RIMS1: variants seen among roughly 807,000 people sequenced by gnomAD.
RIMS1 encodes the protein regulating synaptic membrane exocytosis 1, also known as regulating synaptic membrane exocytosis protein 1.
RIMS1 carries 83 observed loss-of-function variants against 214.1 expected under a neutral mutation model. The ratio of observed to expected loss-of-function variants is 0.39; its 90% CI spans 0.32 to 0.47. The LOEUF (loss-of-function observed/expected upper bound fraction) is 0.47, where lower values mean the gene tolerates loss of function less well. Ranked by LOEUF, RIMS1 falls within the 20% of genes least tolerant of loss-of-function variation. The probability of loss-of-function intolerance (pLI) is 0.99; values close to 1 mark genes in which losing one functional copy is unlikely to be tolerated. For synonymous variants in RIMS1, 793 were observed against 786.8 expected (o/e 1.01, Z -0.13); for missense variants, 2,050 against 2,161.8 (o/e 0.95, Z 1.03).
chr6:72,078,435 T>G (rs2153762314), intron 2 of RIMS1, among the ~76,000 whole-genome samples: 3 of 152,304 alleles, frequency 2.0e-5, no homozygotes, highest in Middle Eastern at 6.8e-3. Flanking sequence ...ACTTCATGTA[T>G]TATCTTCCTT....
rs187852472 is a variant in RIMS1 at position 71,919,821 on chromosome 6, A to G, written c.164+32634A>G. ...ATGAAAGGCTGTTCAATGGTATCAG[A>G]AAATCCAAAGAGGTTAAGAACGAGA... is the stretch of plus-strand genomic sequence containing the variant. On this transcript the variant is annotated intron_variant, in intron 1 of 33. Coordinates refer to ENST00000521978, the MANE Select transcript of RIMS1 (RefSeq NM_014989.7). Among the ~76,000 whole-genome samples the G allele has an allele frequency of 1.6e-4, 25 of 152,324 alleles. No homozygotes were observed. The East Asian group carries it at 4.6e-3, about 28-fold the overall frequency.
intron 10 of RIMS1, among the ~76,000 whole-genome samples, chr6:72,244,804 G>A (rs1398122118): frequency 6.6e-6 from 1 of 151,776 alleles, no homozygotes; most frequent in Non-Finnish European, 1.5e-5. Flanking sequence ...CAACTGCAGA[G>A]AACAAACAGG....
intron 1 of RIMS1, among the ~76,000 whole-genome samples, chr6:71,947,554 G>T (rs1337605638): frequency 6.6e-6 from 1 of 152,060 alleles, no homozygotes; most frequent in Non-Finnish European, 1.5e-5. Flanking sequence ...TGAGTGAGAG[G>T]ATTGGGGAGA....
chr6:72,008,029 A>G (rs954426208), intron 2 of RIMS1, among the ~76,000 whole-genome samples: 4 of 152,164 alleles, frequency 2.6e-5, no homozygotes, highest in African/African-American at 7.2e-5. Flanking sequence ...TGTCAGATTC[A>G]CCAAAGTTGA....
At chr6:72,133,638 G>C (rs984978506) in intron 4 of RIMS1, among the ~76,000 whole-genome samples, 1 of 152,126 alleles carries the variant, frequency 6.6e-6, no homozygotes, top group East Asian at 1.9e-4. Context: ...ATTTGGAGTA[G>C]TTTCAAATCT....
intron 28 of RIMS1, among the ~76,000 whole-genome samples, chr6:72,320,149 C>T (rs775786280): frequency 6.6e-6 from 1 of 152,108 alleles, no homozygotes; most frequent in Admixed American, 6.6e-5. Context: ...TTGGATTTGA[C>T]ACTTGAAGAG....
chr6:71,999,987 A>G (rs576525203), intron 2 of RIMS1, among the ~76,000 whole-genome samples: 114 of 152,104 alleles, frequency 7.5e-4, no homozygotes, highest in Non-Finnish European at 1.5e-3. Context: ...ATAGTTCTCA[A>G]AATTTAAGAT....
chr6:72,119,408 A>C (rs1235413997), intron 4 of RIMS1, among the ~76,000 whole-genome samples: 1 of 151,820 alleles, frequency 6.6e-6, no homozygotes, highest in African/African-American at 2.4e-5. Context: ...CTACAGATTT[A>C]GGGCAATTCC....
In RIMS1 at chr6:72,179,824, A is replaced by G. The variant is rs1300461389; in HGVS notation, c.721A>G (p.Arg241Gly). Reference sequence around the variant, plus strand: ...TGCTCCTCCCAGCGCACCACCAGACAGGAGCAAAGGGGCTGAGCCCTCGCA... The same window carrying G: ...TGCTCCTCCCAGCGCACCACCAGACGGGAGCAAAGGGGCTGAGCCCTCGCA... ...DAAPPSAPPDRSKGAEPSQQA... is the reference protein window; with the variant it reads ...DAAPPSAPPDGSKGAEPSQQA... The change falls in exon 5 of 34, where the codon AGG (arginine) becomes GGG (glycine). Residue 241 changes from arginine (R) to glycine (G), a missense_variant. By Grantham distance (125) the Arg-to-Gly change is moderately radical. Transcript: ENST00000521978. 2 of 1,613,092 alleles carry G rather than the reference A, an allele frequency of 1.2e-6. No homozygotes were observed. The highest frequency in any genetic ancestry group is 3.3e-5 in the Admixed American group (2 of 59,956).
intron 1 of RIMS1, among the ~76,000 whole-genome samples, chr6:71,931,938 A>G (rs1783167272): frequency 6.6e-6 from 1 of 152,124 alleles, no homozygotes; most frequent in African/African-American, 2.4e-5. Context: ...ACCATCTTAC[A>G]CCAGTCAGAA....
intron 1 of RIMS1, among the ~76,000 whole-genome samples, chr6:71,888,763 C>T (rs563015416): frequency 1.3e-5 from 2 of 152,348 alleles, no homozygotes; most frequent in East Asian, 3.9e-4. Flanking sequence ...AAGGCCAGAG[C>T]TGGCCTGGTT....
chr6:72,139,791 T>C (rs1208402292), intron 4 of RIMS1, among the ~76,000 whole-genome samples: 2 of 152,152 alleles, frequency 1.3e-5, no homozygotes, highest in African/African-American at 4.8e-5. Flanking sequence ...TATTTAAAAA[T>C]CACAGACCAA....
At chr6:71,914,652 C>G (rs868256195) in intron 1 of RIMS1, among the ~76,000 whole-genome samples, 5 of 152,090 alleles carry the variant, frequency 3.3e-5, no homozygotes, top group Non-Finnish European at 7.4e-5. Context: ...AAAACACAGA[C>G]TTCTTATTCT....
intron 2 of RIMS1, among the ~76,000 whole-genome samples, chr6:72,094,746 C>T (rs1176486582): frequency 6.6e-6 from 1 of 152,064 alleles, no homozygotes; most frequent in Non-Finnish European, 1.5e-5. Flanking sequence ...TGCCAACACT[C>T]ATACTACATC....
At chr6:71,979,646 CAT>C (rs1798015457) in intron 2 of RIMS1, among the ~76,000 whole-genome samples, 1 of 152,086 alleles carries the variant, frequency 6.6e-6, no homozygotes, top group Non-Finnish European at 1.5e-5. Context: ...CCTCTCAAAA[CAT>C]AGACTGTATC....
chr6:72,337,160 T>G (rs76822780), intron 29 of RIMS1, among the ~76,000 whole-genome samples: 2,840 of 151,896 alleles, frequency 0.019, 57 homozygotes, highest in African/African-American at 0.05. Context: ...ATTTTGGAAT[T>G]GAATGAACCT....
chr6:72,203,232 C>G (rs1209403383), intron 6 of RIMS1, among the ~76,000 whole-genome samples: 2 of 152,146 alleles, frequency 1.3e-5, no homozygotes, highest in African/African-American at 4.8e-5. Flanking sequence ...TGTGATCCGC[C>G]CACCTCAGCC....
chr6:72,215,265 G>A (rs1050905654), intron 6 of RIMS1, among the ~76,000 whole-genome samples: 3 of 152,152 alleles, frequency 2.0e-5, no homozygotes, highest in East Asian at 1.9e-4. Context: ...TAGCTGCTCC[G>A]GAAAATCTTC....
At chr6:71,950,526 T>C (rs571098059) in intron 1 of RIMS1, among the ~76,000 whole-genome samples, 2 of 152,210 alleles carry the variant, frequency 1.3e-5, no homozygotes, top group Non-Finnish European at 2.9e-5. Flanking sequence ...TAGTAGACAC[T>C]GGACATTTGA....
Sources: gnomAD v4.1 joint callset for allele counts (sites outside exome capture counted in the v4.1 genomes callset) on GRCh38, gnomAD v4.1.1 for gene constraint, MANE v1.5 for transcripts, NCBI Gene and HGNC (gene_info 2026-07-23, HGNC 2026-07-21) for gene names.